LAMA1: variants seen among roughly 807,000 people sequenced by gnomAD.
LAMA1 encodes the protein laminin subunit alpha 1, also known as laminin subunit alpha-1.
In LAMA1, 219 loss-of-function variants were observed where a neutral mutation model predicts 348.7. That is an observed-to-expected ratio of 0.63 (90% CI 0.56 to 0.70). The LOEUF is 0.70. Ranked by LOEUF, LAMA1 falls within the 30% of genes least tolerant of loss-of-function variation. LAMA1 has a pLI of 0.00. For missense variants in LAMA1, 3,744 were observed against 3,888.0 expected (o/e 0.96, Z 0.99); for synonymous variants, 1,487 against 1,491.0 (o/e 1.00, Z 0.06).
chr18:7,056,126 G>A (rs16951112), intron 3 of LAMA1, among the ~76,000 whole-genome samples: 3,988 of 151,728 alleles, frequency 0.026, 166 homozygotes, highest in African/African-American at 0.089. Context: ...GCTTTGACAA[G>A]GAGGACAACG....
At chr18:6,957,342 C>CATGA (rs10635570) in intron 55 of LAMA1, 61,343 of 153,860 alleles carry the variant, frequency 0.4, 12,555 homozygotes, top group Middle Eastern at 0.5. Flanking sequence ...GAGGATGCCT[C>CATGA]ATGAATGAAT....
At chr18:6,989,678 G>C (rs2057750301) in intron 36 of LAMA1, among the ~76,000 whole-genome samples, 1 of 152,066 alleles carries the variant, frequency 6.6e-6, no homozygotes, top group Non-Finnish European at 1.5e-5. Context: ...CAATAGGGGA[G>C]GGTCAGGAGG....
At chr18:6,946,269 A>G (rs2057520975) in intron 61 of LAMA1, among the ~76,000 whole-genome samples, 2 of 152,128 alleles carry the variant, frequency 1.3e-5, no homozygotes, top group African/African-American at 4.8e-5. Context: ...CTGATCTCAT[A>G]AGGATACCTA....
At chr18:7,067,416 G>A (rs776393228) in intron 3 of LAMA1, among the ~76,000 whole-genome samples, 1 of 151,618 alleles carries the variant, frequency 6.6e-6, no homozygotes. Context: ...AAAAAAGGAC[G>A]CACTGTGATT....
intron 61 of LAMA1, among the ~76,000 whole-genome samples, chr18:6,946,686 T>C (rs1007422742): frequency 2.6e-5 from 4 of 152,058 alleles, no homozygotes; most frequent in African/African-American, 4.8e-5. Context: ...ACCATTGCAC[T>C]CTAGCTTGGG....
chr18:7,050,942 A>G lies in LAMA1; in HGVS notation c.346-6T>C, dbSNP rs2058060372. The G allele has an allele frequency of 6.2e-7, 1 of 1,614,046 alleles. No homozygotes were observed. Among genetic ancestry groups the G allele is most frequent in the South Asian group, 1.1e-5 (1 of 91,056 alleles). On this transcript the variant is annotated splice_polypyrimidine_tract_variant and splice_region_variant and intron_variant, in intron 3 of 62. Transcript: ENST00000389658. ...ACATATGCAACTTGAAAGACCTGAAACAAAGACACTGAAAAGTCTCAATCC... is the reference window on the plus strand; with the variant it reads ...ACATATGCAACTTGAAAGACCTGAAGCAAAGACACTGAAAAGTCTCAATCC...
intron 53 of LAMA1, chr18:6,960,375 G>A (rs1018420058): frequency 6.6e-6 from 1 of 152,076 alleles, no homozygotes; most frequent in Non-Finnish European, 1.5e-5. Context: ...TGCTCCAATG[G>A]GGATGAACTT....
At chr18:7,084,167 T>G (rs1319260711) in intron 1 of LAMA1, among the ~76,000 whole-genome samples, 1 of 151,752 alleles carries the variant, frequency 6.6e-6, no homozygotes, top group South Asian at 2.1e-4. Context: ...AATTTTTATT[T>G]TTTTTTTAGA....
In LAMA1 at chr18:6,958,487, A is replaced by T. The variant is rs1382158410; in HGVS notation, c.7954T>A (p.Phe2652Ile). 6.2e-7 allele frequency: 1 copy of T among 1,614,212 alleles called. No individual in the cohort carries two copies. Among genetic ancestry groups the T allele is most frequent in the South Asian group, 1.1e-5 (1 of 91,088 alleles). Residue 2652 changes from phenylalanine to isoleucine, a missense_variant, in exon 55 of 63, where the codon TTC becomes ATC. Coordinates refer to ENST00000389658, the MANE Select transcript of LAMA1 (RefSeq NM_005559.4). ...SFHGCIKNLI[F>I]NLELLDFNSA... ...AGCAGGTACACTTACTCCAAATTGA[A>T]GATCAGGTTTTTGATACAGCCATGG...
intron 45 of LAMA1, 24 bp from the exon 46 acceptor site, chr18:6,975,060 G>C (rs1568014147): frequency 6.2e-7 from 1 of 1,610,840 alleles, no homozygotes; most frequent in Admixed American, 1.7e-5. Flanking sequence ...AATGAACGGG[G>C]ATCAGTTTAC....
Position 7,056,802 on chromosome 18 carries a change from G to C in LAMA1, c.346-5866C>G, listed in dbSNP as rs999739352. Among the ~76,000 whole-genome samples the C allele has an allele frequency of 3.4e-4, 51 of 152,148 alleles. 1 individual carries two copies. Among genetic ancestry groups the C allele is most frequent in the African/African-American group, 1.2e-3 (49 of 41,428 alleles). ...GTGCAAGAAACAAAGATTAATGAAT[G>C]CTAATGCCACGAAGCACTTACTGTG... On this transcript the variant is annotated intron_variant, in intron 3 of 62. Transcript: ENST00000389658.
intron 51 of LAMA1, 39 bp from the exon 52 acceptor site, chr18:6,962,098 T>C: frequency 3.4e-6 from 5 of 1,463,416 alleles, no homozygotes; most frequent in Non-Finnish European, 4.8e-6. Flanking sequence ...AAAATTTGGG[T>C]TTTTAAATTC....
rs749718703 is a variant in LAMA1, at chr18:7,011,350, G to A, written c.3637C>T (p.Arg1213Cys). The change falls in exon 25 of 63, where the codon CGT becomes TGT. Residue 1213 changes from arginine (R) to cysteine (C), a missense_variant. Coordinates refer to ENST00000389658, the MANE Select transcript of LAMA1 (RefSeq NM_005559.4). ...AGCCGCCAGTAAAACGGCTCTGCACGGATGTGCTGCCGGACGGTGGCGGCA... is the reference window on the plus strand; with the variant it reads ...AGCCGCCAGTAAAACGGCTCTGCACAGATGTGCTGCCGGACGGTGGCGGCA... ...LDAATVRQHI[R>C]AEPFYWRLPQ... is the part of the protein sequence containing the mutation. 8.7e-6 allele frequency: 14 copies of A among 1,612,458 alleles called. No homozygotes were observed. Among genetic ancestry groups the A allele is most frequent in the South Asian group, 3.3e-5 (3 of 90,660 alleles).
At chr18:7,074,913 T>C (rs572491527) in intron 3 of LAMA1, among the ~76,000 whole-genome samples, 1 of 145,916 alleles carries the variant, frequency 6.9e-6, no homozygotes, top group African/African-American at 2.7e-5. Context: ...TAAGACTACT[T>C]TTTAATCTTT....
intron 57 of LAMA1, 68 bp downstream of exon 57, chr18:6,955,283 CTG>C: frequency 8.4e-7 from 1 of 1,196,488 alleles, no homozygotes; most frequent in Non-Finnish European, 1.2e-6. Flanking sequence ...GGAAAAGACT[CTG>C]TGGCTGCAGA....
At chr18:7,070,904 CA>C (rs11455370) in intron 3 of LAMA1, among the ~76,000 whole-genome samples, 8,117 of 127,370 alleles carry the variant, frequency 0.064, 611 homozygotes, top group African/African-American at 0.2. Flanking sequence ...GCTTCTTGAT[CA>C]AAAAAAAAAA....
chr18:7,047,367 T>C (rs2144195392), intron 5 of LAMA1, among the ~76,000 whole-genome samples: 1 of 152,280 alleles, frequency 6.6e-6, no homozygotes, highest in South Asian at 2.1e-4. Context: ...TGAACATTGT[T>C]GAGCATTATT....
intron 1 of LAMA1, among the ~76,000 whole-genome samples, chr18:7,087,976 T>C (rs912817517): frequency 4.6e-5 from 7 of 152,226 alleles, no homozygotes; most frequent in Non-Finnish European, 8.8e-5. Flanking sequence ...TTTCCTCAAA[T>C]ATAATTAGTC....
rs1457194859 is a variant in LAMA1, at chr18:7,040,217, G to T, written c.1281C>A (p.Cys427Ter). The T allele has an allele frequency of 1.5e-5, 24 of 1,614,008 alleles. No individual in the cohort carries two copies. The highest frequency in any genetic ancestry group is 1.9e-5 in the Non-Finnish European group (23 of 1,180,044). ...CTCCTGTATAACCTTCCTTACATGG[G>T]CACTGACCTGGCTGCTTCCCTAGAA... ...DLHNGKQPGQ[C>*]PCKEGYTGEK... Residue 427 changes from cysteine (C) to a stop codon, truncating the protein, a stop_gained, in exon 10 of 63, where the codon TGC (cysteine) becomes TGA (stop). Coordinates refer to ENST00000389658, the MANE Select transcript of LAMA1 (RefSeq NM_005559.4). LOFTEE classifies it high-confidence loss of function.
Sources: gnomAD v4.1 joint callset for allele counts (sites outside exome capture counted in the v4.1 genomes callset) on GRCh38, gnomAD v4.1.1 for gene constraint, MANE v1.5 for transcripts, NCBI Gene and HGNC (gene_info 2026-07-23, HGNC 2026-07-21) for gene names.